The following WDR72 variants were observed in gnomAD, a reference collection of about 807,000 sequenced individuals.
The protein encoded by WDR72 is WD repeat-containing protein 72.
In WDR72, 120 loss-of-function variants were observed where a neutral mutation model predicts 124.2. The ratio of observed to expected loss-of-function variants is 0.97; its 90% CI spans 0.83 to 1.12. The LOEUF is 1.12. Among genes scored for constraint, WDR72 ranks in the 50% most tolerant of loss-of-function variants. The pLI is 0.00. For missense variants in WDR72, 1,387 were observed against 1,278.8 expected (o/e 1.08, Z -1.29); for synonymous variants, 452 against 441.7 (o/e 1.02, Z -0.29).
At chr15:53,654,356 A>G (rs772344668) in intron 14 of WDR72, among the ~76,000 whole-genome samples, 1 of 152,218 alleles carries the variant, frequency 6.6e-6, no homozygotes, top group Non-Finnish European at 1.5e-5. Flanking sequence ...TACCCTTTAT[A>G]CAGATAGAGA....
At chr15:53,657,285 AAAAAG>A (rs2015461712) in intron 14 of WDR72, among the ~76,000 whole-genome samples, 2 of 150,594 alleles carry the variant, frequency 1.3e-5, no homozygotes, top group African/African-American at 2.4e-5. Context: ...AAAAAAAAAA[AAAAAG>A]AAAGAAGGAA....
chr15:53,527,052 G>C (rs988756807), intron 18 of WDR72, among the ~76,000 whole-genome samples: 1 of 152,026 alleles, frequency 6.6e-6, no homozygotes, highest in Admixed American at 6.6e-5. Context: ...TTTCACTATG[G>C]TGCATTTAAC....
intron 17 of WDR72, among the ~76,000 whole-genome samples, chr15:53,606,965 T>C (rs16966284): frequency 0.14 from 21,171 of 152,150 alleles, 2,298 homozygotes; most frequent in African/African-American, 0.3. Context: ...GCCCCTATAG[T>C]ATATTACGAG....
intron 1 of WDR72, among the ~76,000 whole-genome samples, chr15:53,735,278 A>T (rs903894976): frequency 2.0e-5 from 3 of 152,124 alleles, no homozygotes; most frequent in Non-Finnish European, 4.4e-5. Context: ...GCTACAGAGC[A>T]AGACAGGGGG....
chr15:53,683,349 C>G (rs948199935), intron 13 of WDR72, among the ~76,000 whole-genome samples: 8 of 152,036 alleles, frequency 5.3e-5, no homozygotes, highest in Non-Finnish European at 7.4e-5. Flanking sequence ...TCTGATTGTT[C>G]CCAACACATA....
intron 14 of WDR72, among the ~76,000 whole-genome samples, chr15:53,624,437 T>C (rs1478918324): frequency 6.6e-6 from 1 of 152,182 alleles, no homozygotes; most frequent in Non-Finnish European, 1.5e-5. Flanking sequence ...AAAGCTATAA[T>C]CTCTGTCTCA....
chr15:53,713,553 C>T (rs1023125525), intron 6 of WDR72, among the ~76,000 whole-genome samples: 5 of 151,692 alleles, frequency 3.3e-5, no homozygotes, highest in Non-Finnish European at 4.4e-5. Context: ...CGGGTTCAAA[C>T]GATTCTCCTG....
intron 14 of WDR72, among the ~76,000 whole-genome samples, chr15:53,660,863 C>G (rs1209695030): frequency 6.6e-6 from 1 of 152,056 alleles, no homozygotes; most frequent in Non-Finnish European, 1.5e-5. Context: ...CCACACAGTG[C>G]AGAGGTTGGG....
At chr15:53,553,235 G>A (rs924323090) in intron 18 of WDR72, among the ~76,000 whole-genome samples, 2 of 152,146 alleles carry the variant, frequency 1.3e-5, no homozygotes, top group African/African-American at 4.8e-5. Context: ...CTTTGACCTA[G>A]CAGATAAAAG....
intron 18 of WDR72, among the ~76,000 whole-genome samples, chr15:53,595,715 T>A (rs966046720): frequency 1.3e-5 from 2 of 152,142 alleles, no homozygotes; most frequent in African/African-American, 4.8e-5. Flanking sequence ...AATGCAAATG[T>A]AGTCACTCAA....
chr15:53,683,397 A>G lies in WDR72; in HGVS notation c.1765+16353T>C, dbSNP rs184537437. On this transcript the variant is annotated intron_variant, in intron 13 of 19. Transcript: ENST00000360509. Reference sequence around the variant, plus strand: ...ACTCAAGGTGATGGAAACCCCAAATACCCTAACCTGATCATTACATATACT... The same window carrying G: ...ACTCAAGGTGATGGAAACCCCAAATGCCCTAACCTGATCATTACATATACT... Among the ~76,000 whole-genome samples the G allele has an allele frequency of 4.5e-4, 69 of 152,210 alleles. No individual in the cohort carries two copies. The South Asian group carries it at 8.5e-3, about 19-fold the overall frequency.
intron 7 of WDR72, among the ~76,000 whole-genome samples, chr15:53,712,453 G>A (rs756716085): frequency 3.1e-4 from 47 of 151,942 alleles, no homozygotes; most frequent in Non-Finnish European, 5.4e-4. Flanking sequence ...AAACTTAGCC[G>A]GGCATGGTGG....
At chr15:53,744,279 T>C (rs2018587151) in intron 1 of WDR72, among the ~76,000 whole-genome samples, 1 of 152,182 alleles carries the variant, frequency 6.6e-6, no homozygotes, top group South Asian at 2.1e-4. Flanking sequence ...TGCTTTGATA[T>C]GAAGAAGGAT....
intron 18 of WDR72, among the ~76,000 whole-genome samples, chr15:53,567,084 G>T (rs564514162): frequency 6.6e-6 from 1 of 152,098 alleles, no homozygotes; most frequent in African/African-American, 2.4e-5. Flanking sequence ...AGAAGCAGGA[G>T]AGCTGCACTC....
At chr15:53,656,437 T>A (rs1190593746) in intron 14 of WDR72, among the ~76,000 whole-genome samples, 1 of 152,188 alleles carries the variant, frequency 6.6e-6, no homozygotes, top group East Asian at 1.9e-4. Context: ...TTGTTTTTAA[T>A]AGTATGGGGA....
intron 18 of WDR72, among the ~76,000 whole-genome samples, chr15:53,539,658 CT>C (rs1160935675): frequency 6.7e-6 from 1 of 149,624 alleles, no homozygotes; most frequent in Non-Finnish European, 1.5e-5. Context: ...AAAAAAAAAA[CT>C]ACCAAATACT....
intron 14 of WDR72, among the ~76,000 whole-genome samples, chr15:53,647,011 G>A (rs867909109): frequency 6.6e-6 from 1 of 152,174 alleles, no homozygotes; most frequent in African/African-American, 2.4e-5. Context: ...GCAAAGGTAA[G>A]GACACTATTA....
At chr15:53,749,882 T>A (rs571682471) in intron 1 of WDR72, among the ~76,000 whole-genome samples, 8 of 152,186 alleles carry the variant, frequency 5.3e-5, no homozygotes, top group Admixed American at 5.2e-4. Flanking sequence ...CTCTCCTCAA[T>A]TTTATGAAGG....
At chr15:53,738,002 C>T (rs575479161) in intron 1 of WDR72, among the ~76,000 whole-genome samples, 8 of 152,264 alleles carry the variant, frequency 5.3e-5, no homozygotes, top group African/African-American at 1.9e-4. Flanking sequence ...TCCTTCCCCA[C>T]TCCTGTAACA....
Sources: allele counts gnomAD v4.1 joint callset (sites outside exome capture counted in the v4.1 genomes callset), GRCh38; gene constraint gnomAD v4.1.1; transcripts MANE v1.5; gene names NCBI Gene and HGNC (gene_info 2026-07-23, HGNC 2026-07-21).